Variants in RPS6KC1 observed in about 807,000 individuals in gnomAD.
RPS6KC1 encodes inactive ribosomal protein S6 kinase delta-1.
Under a neutral mutation model 103.8 loss-of-function variants are expected in RPS6KC1, and 54 were observed. The ratio of observed to expected loss-of-function variants is 0.52; its 90% CI spans 0.42 to 0.65. RPS6KC1 has a LOEUF of 0.65. Ranked by LOEUF, RPS6KC1 falls within the 30% of genes least tolerant of loss-of-function variation. The probability of loss-of-function intolerance (pLI) is 0.00; values close to 1 mark genes in which losing one functional copy is unlikely to be tolerated. For synonymous variants in RPS6KC1, 439 were observed against 438.7 expected (o/e 1.00, Z -0.01); for missense variants, 1,151 against 1,253.8 (o/e 0.92, Z 1.24).
At chr1:213,317,760 A>G in the RPS6KC1 span, among the ~76,000 whole-genome samples, 2 of 152,258 alleles carry the variant, frequency 1.3e-5, no homozygotes, top group African/African-American at 4.8e-5. Flanking sequence ...GTTATTGGTC[A>G]TACTGAGGCA....
the RPS6KC1 span, among the ~76,000 whole-genome samples, chr1:213,695,705 A>AGG: frequency 6.6e-6 from 1 of 152,200 alleles, no homozygotes; most frequent in East Asian, 1.9e-4. Flanking sequence ...GTTTGCCTTC[A>AGG]CTCAGGATAG....
At chr1:213,098,607 A>G (rs1233073548) in intron 3 of RPS6KC1, among the ~76,000 whole-genome samples, 1 of 152,180 alleles carries the variant, frequency 6.6e-6, no homozygotes, top group East Asian at 1.9e-4. Context: ...TTGGTGGAGC[A>G]GTCAGAACAC....
intron 6 of RPS6KC1, among the ~76,000 whole-genome samples, chr1:213,150,843 G>A (rs1213386878): frequency 6.6e-6 from 1 of 152,216 alleles, no homozygotes; most frequent in Non-Finnish European, 1.5e-5. Flanking sequence ...CCTCCCAGAC[G>A]GGGTGGTGGC....
At position 213,110,568 on chromosome 1, in the gene RPS6KC1, G is replaced by A. The variant is rs563325912; in HGVS notation, c.378+5999G>A. On this transcript the variant is annotated intron_variant, in intron 4 of 14. Coordinates refer to ENST00000366960, the MANE Select transcript of RPS6KC1 (RefSeq NM_012424.6). ...ATAGCTTTGTGGTCAGCCAGTGCTC[G>A]GTCATTGCTTGTGCTTAAACACCTG... Among the ~76,000 whole-genome samples the A allele has an allele frequency of 3.3e-5, 5 of 152,264 alleles. 1 individual carries two copies. In the East Asian group the frequency reaches 9.6e-4, roughly 29 times the overall value.
downstream of RPS6KC1, among the ~76,000 whole-genome samples, chr1:213,277,299 A>G (rs1230163721): frequency 6.6e-6 from 1 of 152,216 alleles, no homozygotes; most frequent in Non-Finnish European, 1.5e-5. Flanking sequence ...AAGATTTATG[A>G]TCCTGCTGGT....
At chr1:213,097,138 G>A (rs1323107909) in intron 3 of RPS6KC1, among the ~76,000 whole-genome samples, 1 of 152,104 alleles carries the variant, frequency 6.6e-6, no homozygotes, top group African/African-American at 2.4e-5. Context: ...GGTGGATCAC[G>A]AGGTCAGGAG....
At chr1:213,693,714 T>C in the RPS6KC1 span, among the ~76,000 whole-genome samples, 1 of 152,212 alleles carries the variant, frequency 6.6e-6, no homozygotes, top group Non-Finnish European at 1.5e-5. Flanking sequence ...GAGGAGGACA[T>C]TGGGAAGAAT....
At chr1:213,529,194 A>G in the RPS6KC1 span, among the ~76,000 whole-genome samples, 1 of 151,904 alleles carries the variant, frequency 6.6e-6, no homozygotes, top group Admixed American at 6.6e-5. Context: ...TTAAGAAAAG[A>G]TAATGGGGAG....
At chr1:213,624,514 G>A in the RPS6KC1 span, among the ~76,000 whole-genome samples, 1 of 152,226 alleles carries the variant, frequency 6.6e-6, no homozygotes, top group Non-Finnish European at 1.5e-5. Context: ...GGGCTTCCTG[G>A]TTGCAAAAGC....
At chr1:213,462,450 C>T in the RPS6KC1 span, among the ~76,000 whole-genome samples, 1 of 152,272 alleles carries the variant, frequency 6.6e-6, no homozygotes, top group African/African-American at 2.4e-5. Context: ...AAGACACATG[C>T]ACACGTATGT....
At chr1:213,604,863 G>T in the RPS6KC1 span, among the ~76,000 whole-genome samples, 4 of 152,164 alleles carry the variant, frequency 2.6e-5, no homozygotes, top group Non-Finnish European at 4.4e-5. Context: ...GTGGGCAAGT[G>T]TGTGAGTCAG....
chr1:213,546,271 T>C, the RPS6KC1 span: 1 of 152,230 alleles, frequency 6.6e-6, no homozygotes, highest in Non-Finnish European at 1.5e-5. Flanking sequence ...TCATGGAGTT[T>C]CCTTTCCATA....
chr1:213,090,413 A>G (rs999710915), intron 3 of RPS6KC1, among the ~76,000 whole-genome samples: 2 of 152,354 alleles, frequency 1.3e-5, no homozygotes, highest in African/African-American at 2.4e-5. Context: ...TGACATATAA[A>G]TAAGTTGAGC....
chr1:213,380,806 T>G, the RPS6KC1 span, among the ~76,000 whole-genome samples: 5 of 152,188 alleles, frequency 3.3e-5, no homozygotes, highest in Non-Finnish European at 7.3e-5. Context: ...ATTTCCGCCA[T>G]CCGCAGCTCA....
intron 3 of RPS6KC1, among the ~76,000 whole-genome samples, chr1:213,086,214 T>C (rs189286176): frequency 9.8e-5 from 15 of 152,302 alleles, no homozygotes; most frequent in Non-Finnish European, 1.9e-4. Context: ...TGTGCTTCCG[T>C]TCCTATTTGC....
the RPS6KC1 span, among the ~76,000 whole-genome samples, chr1:213,709,937 A>T: frequency 6.6e-6 from 1 of 152,126 alleles, no homozygotes; most frequent in Non-Finnish European, 1.5e-5. Flanking sequence ...TTTTCCTTCC[A>T]ATTATGTGGT....
the RPS6KC1 span, among the ~76,000 whole-genome samples, chr1:213,693,106 C>G: frequency 1.3e-5 from 2 of 152,218 alleles, no homozygotes; most frequent in Admixed American, 1.3e-4. Context: ...ACTATATCTG[C>G]TTTCTCTCTC....
chr1:213,130,331 TGTA>T (rs2085464229), intron 6 of RPS6KC1, among the ~76,000 whole-genome samples: 1 of 152,172 alleles, frequency 6.6e-6, no homozygotes, highest in Non-Finnish European at 1.5e-5. Context: ...TCTTTGTAGT[TGTA>T]GTAAATTCTC....
chr1:213,309,638 C>T, the RPS6KC1 span, among the ~76,000 whole-genome samples: 2 of 152,276 alleles, frequency 1.3e-5, no homozygotes, highest in South Asian at 4.1e-4. Context: ...GCCAATTCTT[C>T]TGGTAATTCC....
Sources: allele counts gnomAD v4.1 joint callset (sites outside exome capture counted in the v4.1 genomes callset), GRCh38; gene constraint gnomAD v4.1.1; transcripts MANE v1.5; gene names NCBI Gene and HGNC (gene_info 2026-07-23, HGNC 2026-07-21).